The following HOMER3 variants were observed in gnomAD, a reference collection of about 807,000 sequenced individuals.
HOMER3 encodes homer protein homolog 3.
Under a neutral mutation model 45.5 loss-of-function variants are expected in HOMER3, and 34 were observed. The ratio of observed to expected loss-of-function variants is 0.75; its 90% CI spans 0.57 to 1.00. The LOEUF (loss-of-function observed/expected upper bound fraction) is 1.00. Ranked by LOEUF, HOMER3 falls within the 50% of genes least tolerant of loss-of-function variation. HOMER3 has a pLI of 0.00. For synonymous variants in HOMER3, 223 were observed against 208.8 expected (o/e 1.07, Z -0.58); for missense variants, 480 against 497.5 (o/e 0.96, Z 0.33).
At chr19:18,934,872 T>G (rs2057074913) in intron 4 of HOMER3, among the ~76,000 whole-genome samples, 3 of 85,658 alleles carry the variant, frequency 3.5e-5, no homozygotes, top group Admixed American at 1.3e-4. Flanking sequence ...CTGTTTTTTG[T>G]TTTTTTTTTT....
In HOMER3 at chr19:18,939,005, C is replaced by A; in HGVS notation, c.-23G>T. ...CATTGGTCAGGCTGGGATGGGCAGG[C>A]TCTAGGGGGCAGCCAGAGAGGTGGC... On this transcript the variant is annotated 5_prime_UTR_variant, in exon 2 of 10. Coordinates refer to ENST00000392351, the MANE Select transcript of HOMER3 (RefSeq NM_004838.4). The A allele has an allele frequency of 6.4e-7, 1 of 1,559,702 alleles. No individual in the cohort carries two copies. Among genetic ancestry groups the A allele is most frequent in the Non-Finnish European group, 8.7e-7 (1 of 1,153,458 alleles).
At chr19:18,930,214 C>T (rs112279424) in intron 9 of HOMER3, among the ~76,000 whole-genome samples, 13,615 of 144,088 alleles carry the variant, frequency 0.094, 794 homozygotes, top group Non-Finnish European at 0.14. Flanking sequence ...CGCGCCACTG[C>T]ACTCCAGCCT....
rs543820394 is a variant in HOMER3 at position 18,938,339 on chromosome 19, C to G, written c.303+14G>C. On this transcript the variant is annotated intron_variant, in intron 4 of 9. Transcript: ENST00000392351. ...CTCATCGGTTCCCTCCACTCTCCCC[C>G]TCACCCGGCCCACCTGTGTCAGATG... 7 of 1,597,470 alleles carry G rather than the reference C, an allele frequency of 4.4e-6. No homozygotes were observed. The highest frequency in any genetic ancestry group is 3.4e-5 in the Admixed American group (2 of 59,654).
chr19:18,938,331 C>A, intron 4 of HOMER3, 22 bp downstream of exon 4: 2 of 1,594,414 alleles, frequency 1.3e-6, no homozygotes, highest in Non-Finnish European at 1.7e-6. Flanking sequence ...GTTCCCTCCA[C>A]TCTCCCCCTC....
At chr19:18,938,542 C>T in intron 3 of HOMER3, 58 bp from the exon 4 acceptor site, 1 of 1,579,782 alleles carries the variant, frequency 6.3e-7, no homozygotes, top group Non-Finnish European at 8.7e-7. Context: ...AACATGAAAC[C>T]CCCCAGGTAT....
chr19:18,933,603 G>T (rs1008666104), intron 5 of HOMER3, among the ~76,000 whole-genome samples: 1 of 152,138 alleles, frequency 6.6e-6, no homozygotes, highest in Non-Finnish European at 1.5e-5. Context: ...CACAGCCCTC[G>T]GCCTGGTACA....
At chr19:18,939,690 C>T (rs1190550679) in intron 1 of HOMER3, 2 of 152,326 alleles carry the variant, frequency 1.3e-5, no homozygotes, top group Admixed American at 6.5e-5. Context: ...CAAATCTCTG[C>T]TGAGTTCTTT....
Position 18,929,273 on chromosome 19 carries a change from T to A in HOMER3, c.*170A>T, listed in dbSNP as rs759751314. ...AGAAGCTCAAAAACAGCCCCAAAGCTGCCAACAACCAGAGCCGACTGGGGC... is the reference window on the plus strand; with the variant it reads ...AGAAGCTCAAAAACAGCCCCAAAGCAGCCAACAACCAGAGCCGACTGGGGC... On this transcript the variant is annotated 3_prime_UTR_variant, in exon 10 of 10. Coordinates refer to ENST00000392351, the MANE Select transcript of HOMER3 (RefSeq NM_004838.4). 5.1e-6 allele frequency: 4 copies of A among 782,324 alleles called. No individual in the cohort carries two copies. In the African/African-American group the frequency reaches 6.7e-5, roughly 13 times the overall value. The allele number at this position is 782,324 out of a possible 1,614,324, so 48.5% of individuals were successfully genotyped here.
At chr19:18,935,975 T>A (rs2057088387) in intron 4 of HOMER3, among the ~76,000 whole-genome samples, 1 of 150,204 alleles carries the variant, frequency 6.7e-6, no homozygotes, top group Non-Finnish European at 1.5e-5. Flanking sequence ...GCTGAGATTG[T>A]GCCATTGCAC....
At chr19:18,931,874 A>G in intron 7 of HOMER3, 102 bp downstream of exon 7, 2 of 1,432,934 alleles carry the variant, frequency 1.4e-6, no homozygotes, top group South Asian at 1.5e-5. Context: ...CTGAGGTCAC[A>G]CAGCTAGTCC....
At position 18,929,394 on chromosome 19, in the gene HOMER3, C is replaced by G. The variant is rs754952009; in HGVS notation, c.*49G>C. 4.1e-5 allele frequency: 64 copies of G among 1,568,388 alleles called. No individual in the cohort carries two copies. Among genetic ancestry groups the G allele is most frequent in the Non-Finnish European group, 5.4e-5 (62 of 1,154,834 alleles). ...ATGGGCCCAACTATGCCGCCTGCAG[C>G]CTGGCCCGCATCCCAGGCCGGAATC... On this transcript the variant is annotated 3_prime_UTR_variant, in exon 10 of 10. Transcript: ENST00000392351.
intron 3 of HOMER3, 32 bp downstream of exon 3, chr19:18,938,696 G>A (rs928024798): frequency 2.5e-6 from 4 of 1,572,252 alleles, no homozygotes; most frequent in East Asian, 2.3e-5. Flanking sequence ...AGGACTCCTG[G>A]TGCCTCTGCC....
intron 9 of HOMER3, among the ~76,000 whole-genome samples, chr19:18,930,931 C>T (rs1467203135): frequency 2.0e-5 from 3 of 151,832 alleles, no homozygotes; most frequent in African/African-American, 7.3e-5. Flanking sequence ...TTGCTTCAAC[C>T]CGGGAGGTGG....
chr19:18,938,549 G>T, intron 3 of HOMER3, 65 bp from the exon 4 acceptor site: 1 of 1,556,756 alleles, frequency 6.4e-7, no homozygotes. Flanking sequence ...AACCCCCCAG[G>T]TATTACCTTG....
intron 4 of HOMER3, among the ~76,000 whole-genome samples, chr19:18,937,443 G>A (rs539595482): frequency 5.3e-5 from 8 of 152,046 alleles, no homozygotes; most frequent in Admixed American, 6.6e-5. Context: ...TTGGGAGGCC[G>A]AGGCAGGTGG....
chr19:18,932,401 G>C (rs1260303401), intron 6 of HOMER3, among the ~76,000 whole-genome samples: 1 of 149,596 alleles, frequency 6.7e-6, no homozygotes, highest in Admixed American at 6.7e-5. Context: ...AGTCACGGGC[G>C]ATGCTGGGCT....
At chr19:18,933,442 ATTCGTGT>A in intron 5 of HOMER3, among the ~76,000 whole-genome samples, 1 of 152,304 alleles carries the variant, frequency 6.6e-6, no homozygotes, top group South Asian at 2.1e-4. Flanking sequence ...CCCAGGCCGA[ATTCGTGT>A]TTCGTGAGCA....
rs1256365039 is a variant in HOMER3, at chr19:18,934,615, T to C, written c.304-205A>G. On this transcript the variant is annotated intron_variant, in intron 4 of 9. Transcript: ENST00000392351. ...ATCACAGAGGTGGCATTTAAATACATTGGGCCACATTGAGAAAGGGAAAGG... is the reference window on the plus strand; with the variant it reads ...ATCACAGAGGTGGCATTTAAATACACTGGGCCACATTGAGAAAGGGAAAGG... Among the ~76,000 whole-genome samples, 7 of 152,164 alleles carry C rather than the reference T, an allele frequency of 4.6e-5. No homozygotes were observed. In the East Asian group the frequency reaches 5.8e-4, roughly 13 times the overall value.
rs2057128975 is a variant in HOMER3 at position 18,939,231 on chromosome 19, G to A, written c.-67-182C>T. 1.6e-5 allele frequency: 8 copies of A among 494,870 alleles called. No homozygotes were observed. In the South Asian group the frequency reaches 3.0e-4, roughly 18 times the overall value. 30.7% of individuals were successfully genotyped at this position (494,870 alleles called of 1,614,324 possible). ...GAGTCAGGAGGATCCTTTGAGCCCA[G>A]GAGTTCGAGACCATCCTGAGCAACA... On this transcript the variant is annotated intron_variant, in intron 1 of 9. Coordinates refer to ENST00000392351, the MANE Select transcript of HOMER3 (RefSeq NM_004838.4).
Sources: allele counts gnomAD v4.1 joint callset (sites outside exome capture counted in the v4.1 genomes callset), GRCh38; gene constraint gnomAD v4.1.1; transcripts MANE v1.5; gene names NCBI Gene and HGNC (gene_info 2026-07-23, HGNC 2026-07-21).